CAPN1: variants seen among roughly 807,000 people sequenced by gnomAD.
The protein encoded by CAPN1 is calpain 1.
A neutral mutation model predicts 105.2 loss-of-function variants in CAPN1; 77 were observed. The observed-to-expected ratio is 0.73, with a 90% CI of 0.61 to 0.88. The LOEUF is 0.88. Among genes scored for constraint, CAPN1 ranks in the 40% least tolerant of loss-of-function variants. The pLI, the probability that CAPN1 is intolerant of heterozygous loss-of-function variation, is 0.00. For synonymous variants in CAPN1, 355 were observed against 388.8 expected (o/e 0.91, Z 1.02); for missense variants, 833 against 976.6 (o/e 0.85, Z 1.96).
In CAPN1 at chr11:65,210,124, T is replaced by C; in HGVS notation, c.1942+28T>C. ...GAGACTCCAAGGCTGACGGCACCTGTGGGGCCCAGGACAGGTAGCCCCACT... is the reference window on the plus strand; with the variant it reads ...GAGACTCCAAGGCTGACGGCACCTGCGGGGCCCAGGACAGGTAGCCCCACT... On this transcript the variant is annotated intron_variant, in intron 19 of 21. Transcript: ENST00000279247. The surrounding 1 kb of genome is among the most constrained non-coding windows in gnomAD (Gnocchi z 4.3). 1.9e-6 allele frequency: 3 copies of C among 1,590,638 alleles called. No individual in the cohort carries two copies. Among genetic ancestry groups the C allele is most frequent in the Non-Finnish European group, 2.6e-6 (3 of 1,160,336 alleles).
chr11:65,211,667 A>C lies in CAPN1; in HGVS notation c.*381A>C, dbSNP rs1590869589. 1 of 294,100 alleles carries C rather than the reference A, an allele frequency of 3.4e-6. No individual in the cohort carries two copies. The highest frequency in any genetic ancestry group is 2.1e-5 in the African/African-American group (1 of 47,754). 18.2% of individuals were successfully genotyped at this position (294,100 alleles called of 1,614,324 possible). On this transcript the variant is annotated 3_prime_UTR_variant, in exon 22 of 22. Transcript: ENST00000279247. ...GCCTGGCCTTGCCTGCAGACTATAA[A>C]CTATAACCACTAGCTCGACACAGTC...
intron 10 of CAPN1, among the ~76,000 whole-genome samples, chr11:65,190,702 G>GTT (rs1455814184): frequency 7.8e-6 from 1 of 127,634 alleles, no homozygotes; most frequent in Non-Finnish European, 1.9e-5. Context: ...TTTTGTTGTT[G>GTT]GTTTTTTTTG....
In CAPN1 at chr11:65,209,329, A is replaced by C. The variant is rs1177131589; in HGVS notation, c.1736A>C (p.Asp579Ala). The change falls in exon 17 of 22, where the codon GAC (aspartate) becomes GCC (alanine). Residue 579 changes from aspartate to alanine, a missense_variant. Physicochemically the swap from Asp to Ala is moderately radical, Grantham distance 126. Transcript: ENST00000279247. The surrounding 1 kb of genome is among the most constrained non-coding windows in gnomAD (Gnocchi z 4.1). ...GAATTGGTTTTTCTTGCAGACAAAG[A>C]CCTGCGGACCAAGGGCTTCAGCCTA... is the stretch of plus-strand genomic sequence containing the variant. ...ILNRIISKHK[D>A]LRTKGFSLES... 6 of 1,613,580 alleles carry C rather than the reference A, an allele frequency of 3.7e-6. No homozygotes were observed. The highest frequency in any genetic ancestry group is 5.1e-6 in the Non-Finnish European group (6 of 1,179,666).
chr11:65,190,613 T>G (rs751153113), intron 10 of CAPN1, among the ~76,000 whole-genome samples: 1 of 152,230 alleles, frequency 6.6e-6, no homozygotes, highest in Non-Finnish European at 1.5e-5. Flanking sequence ...CGATAACACA[T>G]TGAATCCATT....
intron 1 of CAPN1, 51 bp from the exon 2 acceptor site, chr11:65,182,650 G>A: frequency 6.8e-7 from 1 of 1,464,298 alleles, no homozygotes; most frequent in Non-Finnish European, 9.0e-7. Flanking sequence ...AGGAGCCCAG[G>A]TTCTAGTCTT....
chr11:65,189,122 C>T (rs938212551), intron 10 of CAPN1, among the ~76,000 whole-genome samples: 6 of 152,080 alleles, frequency 3.9e-5, no homozygotes, highest in African/African-American at 1.4e-4. Context: ...CTCCCGGATT[C>T]AAGCAATTCT....
rs115328564 is a variant in CAPN1, at chr11:65,205,648, G to C, written c.1342-62G>C. 3.5e-4 allele frequency: 539 copies of C among 1,543,636 alleles called. 1 individual carries two copies. The African/African-American group carries it at 6.9e-3, about 20-fold the overall frequency. On this transcript the variant is annotated intron_variant, in intron 11 of 21. Coordinates refer to ENST00000279247, the MANE Select transcript of CAPN1 (RefSeq NM_005186.4). ...AGAACTCAAGACCTCTGCCCAGCATGCACTGTGACCCCGCCCTGGGACAAA... is the reference window on the plus strand; with the variant it reads ...AGAACTCAAGACCTCTGCCCAGCATCCACTGTGACCCCGCCCTGGGACAAA...
At chr11:65,187,099 C>G in intron 6 of CAPN1, 116 bp from the exon 7 acceptor site, 1 of 717,428 alleles carries the variant, frequency 1.4e-6, no homozygotes, top group Non-Finnish European at 2.5e-6. Flanking sequence ...CTGCTTGCTT[C>G]TCCTAGCAAC....
rs759801167 is a variant in CAPN1, at chr11:65,186,309, C to T, written c.730C>T (p.Arg244Trp). Residue 244 changes from arginine to tryptophan, a missense_variant, in exon 6 of 22, where the codon CGG (arginine) becomes TGG (tryptophan). Arg to Trp is a moderately radical substitution (Grantham distance 101). Coordinates refer to ENST00000279247, the MANE Select transcript of CAPN1 (RefSeq NM_005186.4). The stretch of plus-strand genomic sequence containing the variant: ...CCAGATCATCCTCAAGGCGCTGGAG[C>T]GGGGCTCCCTGCTGGGCTGCTCCAT... Reference protein sequence around the residue: ...LYQIILKALERGSLLGCSIDI... With the variant: ...LYQIILKALEWGSLLGCSIDI... 37 of 1,612,896 alleles carry T rather than the reference C, an allele frequency of 2.3e-5. No individual in the cohort carries two copies. The highest frequency in any genetic ancestry group is 3.3e-5 in the Admixed American group (2 of 59,898).
intron 10 of CAPN1, among the ~76,000 whole-genome samples, chr11:65,198,896 G>A (rs1159920374): frequency 3.3e-5 from 5 of 152,130 alleles, no homozygotes; most frequent in Non-Finnish European, 7.4e-5. Flanking sequence ...GTGCAGTGGC[G>A]CGATCTCCAC....
Position 65,186,323 on chromosome 11 carries a change from G to A in CAPN1, c.744G>A (p.Leu248=). ...ILKALERGSL[L]GCSIDISSVL... is the part of the protein sequence containing the mutation. ...AGGCGCTGGAGCGGGGCTCCCTGCT[G>A]GGCTGCTCCATAGACGTGAGTGTGC... Residue 248 remains leucine (L), a synonymous_variant, in exon 6 of 22, where the codon CTG becomes CTA. Coordinates refer to ENST00000279247, the MANE Select transcript of CAPN1 (RefSeq NM_005186.4). 6.2e-7 allele frequency: 1 copy of A among 1,612,304 alleles called. No homozygotes were observed. Among genetic ancestry groups the A allele is most frequent in the Non-Finnish European group, 8.5e-7 (1 of 1,179,052 alleles).
Position 65,204,768 on chromosome 11 carries a change from C to T in CAPN1, c.1251C>T (p.Cys417=), listed in dbSNP as rs1230537221. Reference sequence around the variant, plus strand: ...ACTACGGGGACCGCGAGTCAGGCTGCAGCTTCGTGCTCGCCCTTATGCAGA... The same window carrying T: ...ACTACGGGGACCGCGAGTCAGGCTGTAGCTTCGTGCTCGCCCTTATGCAGA... The part of the protein sequence containing the change: ...PDDYGDRESG[C]SFVLALMQKH... Residue 417 remains cysteine (C), a synonymous_variant, in exon 11 of 22, where the codon TGC becomes TGT. Coordinates refer to ENST00000279247, the MANE Select transcript of CAPN1 (RefSeq NM_005186.4). 25 of 1,613,006 alleles carry T rather than the reference C, an allele frequency of 1.5e-5. No individual in the cohort carries two copies. In the Admixed American group the frequency reaches 3.3e-4, roughly 22 times the overall value.
Position 65,210,379 on chromosome 11 carries a change from C to A in CAPN1, c.1986C>A (p.Arg662=), listed in dbSNP as rs966054251. The A allele has an allele frequency of 1.2e-6, 2 of 1,613,354 alleles. No individual in the cohort carries two copies. The highest frequency in any genetic ancestry group is 2.7e-5 in the African/African-American group (2 of 74,932). The change falls in exon 20 of 22, where the codon CGC becomes CGA. Residue 662 remains arginine (R), a synonymous_variant. Coordinates refer to ENST00000279247, the MANE Select transcript of CAPN1 (RefSeq NM_005186.4). This position sits in a 1 kb window ranked among gnomAD's most constrained non-coding sequence, Gnocchi z 4.3. The stretch of plus-strand genomic sequence containing the variant: ...AGCTGTACGAGCTCATCATCACCCG[C>A]TACTCGGAGCCCGACCTGGCGGTCG... ...NKKLYELIIT[R]YSEPDLAVDF... is the part of the protein sequence containing the mutation.
chr11:65,183,419 T>C (rs1565387378), intron 3 of CAPN1, 55 bp from the exon 4 acceptor site: 4 of 1,376,930 alleles, frequency 2.9e-6, no homozygotes, highest in African/African-American at 1.4e-5. Flanking sequence ...AGCACCCGCT[T>C]CCCCCCCCGG....
rs535100866 is a variant in CAPN1, at chr11:65,211,722, G to A, written c.*436G>A. 28 of 173,886 alleles carry A rather than the reference G, an allele frequency of 1.6e-4. No individual in the cohort carries two copies. The highest frequency in any genetic ancestry group is 5.9e-4 in the African/African-American group (25 of 42,710). The allele number at this position is 173,886 out of a possible 1,614,324, so 10.8% of individuals were successfully genotyped here. A position where few individuals can be genotyped will look rare whatever the true frequency, so the allele number is the denominator to read the frequency against. ...GTCCAGGCGTGTGGAGCCGCCTCCC[G>A]GCTCGGGGAGGCCCCGGGGCTGGGA... On this transcript the variant is annotated 3_prime_UTR_variant, in exon 22 of 22. Transcript: ENST00000279247.
At chr11:65,201,582 A>T (rs1948869940) in intron 10 of CAPN1, among the ~76,000 whole-genome samples, 2 of 151,890 alleles carry the variant, frequency 1.3e-5, no homozygotes, top group Non-Finnish European at 2.9e-5. Context: ...CAGTGGCGCG[A>T]TCTCGGCTCA....
Position 65,188,077 on chromosome 11 carries a change from G to T in CAPN1, c.929+37G>T. ...TGGGCACTGTCTGGAGTGCCTTGGG[G>T]AAACTGTTAGGTGCCCCGACATTTC... On this transcript the variant is annotated intron_variant, in intron 8 of 21. Coordinates refer to ENST00000279247, the MANE Select transcript of CAPN1 (RefSeq NM_005186.4). This position sits in a 1 kb window ranked among gnomAD's most constrained non-coding sequence, Gnocchi z 5.5. 1 of 1,403,170 alleles carries T rather than the reference G, an allele frequency of 7.1e-7. No individual in the cohort carries two copies. Among genetic ancestry groups the T allele is most frequent in the Non-Finnish European group, 9.8e-7 (1 of 1,023,762 alleles). The allele number at this position is 1,403,170 out of a possible 1,614,324, so 86.9% of individuals were successfully genotyped here.
chr11:65,207,199 C>CT (rs34786351), intron 14 of CAPN1, among the ~76,000 whole-genome samples: 20,263 of 113,318 alleles, frequency 0.18, 2,660 homozygotes, highest in African/African-American at 0.24. Context: ...AAACTCTTGC[C>CT]TTTTTTTTTT....
chr11:65,188,864 T>C lies in CAPN1; in HGVS notation c.1165+118T>C. ...AAGATATAGGCTGATCTCTTGAATT[T>C]GCTTTGAGGAGTAAAATATTAAATG... On this transcript the variant is annotated intron_variant, in intron 10 of 21. Transcript: ENST00000279247. This position sits in a 1 kb window ranked among gnomAD's most constrained non-coding sequence, Gnocchi z 5.5. 2.4e-6 allele frequency: 2 copies of C among 851,038 alleles called. No individual in the cohort carries two copies. The highest frequency in any genetic ancestry group is 3.6e-6 in the Non-Finnish European group (2 of 559,964). 52.7% of individuals were successfully genotyped at this position (851,038 alleles called of 1,614,324 possible).
Sources: gnomAD v4.1 joint callset for allele counts (sites outside exome capture counted in the v4.1 genomes callset) on GRCh38, gnomAD v4.1.1 for gene constraint, Gnocchi (gnomAD v3.1) non-coding constraint, MANE v1.5 for transcripts, NCBI Gene and HGNC (gene_info 2026-07-23, HGNC 2026-07-21) for gene names.